Variants in TLN2 observed in about 807,000 individuals in gnomAD.
The protein encoded by TLN2 is talin 2.
TLN2 carries 118 observed loss-of-function variants against 294.7 expected under a neutral mutation model. That is an observed-to-expected ratio of 0.40 (90% confidence interval 0.34 to 0.47). TLN2 has a LOEUF of 0.47. Among genes scored for constraint, TLN2 ranks in the 20% least tolerant of loss-of-function variants. The probability of loss-of-function intolerance (pLI) is 0.84; values close to 1 mark genes in which losing one functional copy is unlikely to be tolerated. For synonymous variants in TLN2, 1,431 were observed against 1,304.5 expected, an observed-to-expected ratio of 1.10 and a Z score of -2.09; for missense variants, 3,083 against 3,282.2, an observed-to-expected ratio of 0.94 and a Z score of 1.48.
At chr15:62,615,945 A>C (rs1455508144) in intron 2 of TLN2, among the ~76,000 whole-genome samples, 11 of 151,066 alleles carry the variant, frequency 7.3e-5, no homozygotes, top group Admixed American at 7.3e-4. Context: ...GGAGGATAAC[A>C]TTTTTTTTTG....
In TLN2 at chr15:62,702,703, A is replaced by G; in HGVS notation, c.1906-63A>G. The G allele has an allele frequency of 2.7e-6, 4 of 1,506,990 alleles. No individual in the cohort carries two copies. The South Asian group carries it at 4.5e-5, about 17-fold the overall frequency. The allele number at this position is 1,506,990 out of a possible 1,614,324, so 93.4% of individuals were successfully genotyped here. On this transcript the variant is annotated intron_variant, in intron 18 of 58. Coordinates refer to ENST00000636159, the MANE Select transcript of TLN2 (RefSeq NM_015059.3). ...GTGAGATTCTACTTCCTGTACTTCCATGTCTGATGGCACTGGAGGAAATGC... is the reference window on the plus strand; with the variant it reads ...GTGAGATTCTACTTCCTGTACTTCCGTGTCTGATGGCACTGGAGGAAATGC...
intron 2 of TLN2, among the ~76,000 whole-genome samples, chr15:62,595,810 A>G (rs2046451207): frequency 6.6e-6 from 1 of 152,248 alleles, no homozygotes; most frequent in African/African-American, 2.4e-5. Flanking sequence ...GCATAGAAAG[A>G]CAAATACCCG....
intron 2 of TLN2, among the ~76,000 whole-genome samples, chr15:62,607,741 G>T (rs569137809): frequency 1.1e-4 from 16 of 151,834 alleles, no homozygotes; most frequent in South Asian, 6.3e-4. Flanking sequence ...GCTCTTTTTT[G>T]TGTGTGTGTG....
intron 1 of TLN2, among the ~76,000 whole-genome samples, chr15:62,402,599 T>C (rs1309293978): frequency 6.6e-6 from 1 of 152,236 alleles, no homozygotes; most frequent in Non-Finnish European, 1.5e-5. Flanking sequence ...AGCTTCAGGC[T>C]GATGATCCTG....
intron 42 of TLN2, 72 bp downstream of exon 42, chr15:62,771,206 C>A: frequency 1.4e-6 from 2 of 1,439,110 alleles, no homozygotes; most frequent in Non-Finnish European, 1.8e-6. Context: ...TGTAATGTGT[C>A]CTTCCAGGAG....
chr15:62,773,675 A>G (rs148897233), intron 42 of TLN2, among the ~76,000 whole-genome samples: 7 of 152,280 alleles, frequency 4.6e-5, no homozygotes, highest in African/African-American at 1.4e-4. Context: ...TCAAATAGTT[A>G]TGGGTAGCTT....
At chr15:62,519,891 A>T (rs1201978853) in intron 1 of TLN2, among the ~76,000 whole-genome samples, 1 of 152,204 alleles carries the variant, frequency 6.6e-6, no homozygotes, top group African/African-American at 2.4e-5. Context: ...ATAAAGACAT[A>T]CTTGAGACTG....
intron 1 of TLN2, among the ~76,000 whole-genome samples, chr15:62,411,713 C>T (rs187707143): frequency 1.1e-4 from 16 of 152,182 alleles, no homozygotes; most frequent in African/African-American, 3.9e-4. Context: ...TCTGGGGCTG[C>T]CAGGACTTAG....
chr15:62,644,608 G>C (rs1347869376), intron 3 of TLN2: 8 of 455,896 alleles, frequency 1.8e-5, no homozygotes, highest in Admixed American at 9.4e-5. Context: ...CTGCTTCCCA[G>C]CTCTCTGAGC....
chr15:62,465,029 T>G (rs555563308), intron 1 of TLN2, among the ~76,000 whole-genome samples: 1 of 151,820 alleles, frequency 6.6e-6, no homozygotes, highest in Non-Finnish European at 1.5e-5. Flanking sequence ...TTTCCCCCCT[T>G]AAATGATCTT....
chr15:62,477,382 A>G (rs928443244), intron 1 of TLN2, among the ~76,000 whole-genome samples: 1 of 152,106 alleles, frequency 6.6e-6, no homozygotes, highest in Non-Finnish European at 1.5e-5. Flanking sequence ...GCCTGGGTGG[A>G]TGTGGGTAAA....
At chr15:62,757,723 G>A (rs2062383629) in intron 37 of TLN2, among the ~76,000 whole-genome samples, 1 of 152,172 alleles carries the variant, frequency 6.6e-6, no homozygotes. Flanking sequence ...ATGTCGGGGG[G>A]TTGTAACGTG....
intron 1 of TLN2, among the ~76,000 whole-genome samples, chr15:62,403,525 G>A (rs290298): frequency 0.35 from 52,473 of 151,876 alleles, 10,091 homozygotes; most frequent in Middle Eastern, 0.59. Context: ...GAGCCACTGT[G>A]CCCCTCCCAG....
At chr15:62,768,280 C>CCTCT (rs753114223) in intron 41 of TLN2, among the ~76,000 whole-genome samples, 149,586 of 152,302 alleles carry the variant, frequency 0.98, 73,509 homozygotes, top group Middle Eastern at 1. Flanking sequence ...GTGCAGTCTA[C>CCTCT]AGAGACTGTA....
At chr15:62,423,979 AT>A (rs745971571) in intron 1 of TLN2, among the ~76,000 whole-genome samples, 2 of 152,164 alleles carry the variant, frequency 1.3e-5, no homozygotes, top group Non-Finnish European at 2.9e-5. Context: ...GTTAACGTTA[AT>A]TGCAACTAGA....
chr15:62,739,959 T>G (rs1284957018), intron 31 of TLN2, among the ~76,000 whole-genome samples: 1 of 152,042 alleles, frequency 6.6e-6, no homozygotes, highest in Non-Finnish European at 1.5e-5. Flanking sequence ...TGATTAAAAA[T>G]TACCTCCTTC....
At chr15:62,421,888 G>C (rs1330786746) in intron 1 of TLN2, among the ~76,000 whole-genome samples, 1 of 152,118 alleles carries the variant, frequency 6.6e-6, no homozygotes, top group Non-Finnish European at 1.5e-5. Flanking sequence ...AGAAAAAAAA[G>C]TGAGTGTTGC....
At chr15:62,560,281 C>A (rs2042849647) in intron 1 of TLN2, among the ~76,000 whole-genome samples, 1 of 152,202 alleles carries the variant, frequency 6.6e-6, no homozygotes, top group Admixed American at 6.5e-5. Context: ...CGCTCTGCCA[C>A]CCAGGCTGGA....
chr15:62,474,787 A>C (rs2037692726), intron 1 of TLN2, among the ~76,000 whole-genome samples: 1 of 152,162 alleles, frequency 6.6e-6, no homozygotes, highest in African/African-American at 2.4e-5. Flanking sequence ...TGAAAGGAAA[A>C]TGAGCTGTAG....
Sources: gnomAD v4.1 joint callset for allele counts (sites outside exome capture counted in the v4.1 genomes callset) on GRCh38, gnomAD v4.1.1 for gene constraint, MANE v1.5 for transcripts, NCBI Gene and HGNC (gene_info 2026-07-23, HGNC 2026-07-21) for gene names.